MAN1A1: variants seen among roughly 807,000 people sequenced by gnomAD.
MAN1A1 encodes the protein mannosidase alpha class 1A member 1.
MAN1A1 carries 29 observed loss-of-function variants against 70.8 expected under a neutral mutation model. That is an observed-to-expected ratio of 0.41 (90% CI 0.31 to 0.56). The LOEUF (loss-of-function observed/expected upper bound fraction) is 0.56. MAN1A1 is among the 20% of genes least tolerant of loss of function. The pLI is 0.29. For missense variants in MAN1A1, 747 were observed against 841.3 expected, an observed-to-expected ratio of 0.89 and a Z score of 1.39; for synonymous variants, 349 against 330.1, an observed-to-expected ratio of 1.06 and a Z score of -0.62.
intron 2 of MAN1A1, among the ~76,000 whole-genome samples, chr6:119,330,730 C>T (rs1773286331): frequency 6.6e-6 from 1 of 152,154 alleles, no homozygotes; most frequent in Non-Finnish European, 1.5e-5. Flanking sequence ...CCTCTGGCTG[C>T]CCTGGGGACC....
In MAN1A1 at chr6:119,348,802, G is replaced by C; in HGVS notation, c.264C>G (p.Pro88=). The change falls in exon 2 of 13, where the codon CCC becomes CCG. Residue 88 remains proline, a synonymous_variant. Coordinates refer to ENST00000368468, the MANE Select transcript of MAN1A1 (RefSeq NM_005907.4). ...PALQPAADHK[P]GPGARAEDAA... is the part of the protein sequence containing the mutation. The stretch of plus-strand genomic sequence containing the variant: ...CGTCCTCGGCGCGCGCCCCGGGCCC[G>C]GGCTTGTGGTCGGCGGCCGGCTGCA... 7.0e-7 allele frequency: 1 copy of C among 1,437,986 alleles called. No individual in the cohort carries two copies. Among genetic ancestry groups the C allele is most frequent in the Admixed American group, 2.7e-5 (1 of 37,698 alleles). 89.1% of individuals were successfully genotyped at this position (1,437,986 alleles called of 1,614,324 possible).
At chr6:119,243,262 T>C (rs997541028) in intron 6 of MAN1A1, among the ~76,000 whole-genome samples, 2 of 152,048 alleles carry the variant, frequency 1.3e-5, no homozygotes, top group African/African-American at 4.8e-5. Context: ...AATTTGTTTA[T>C]TGATATTTTC....
intron 2 of MAN1A1, among the ~76,000 whole-genome samples, chr6:119,319,390 A>AATAATAATAATC (rs1554215455): frequency 7.0e-6 from 1 of 143,716 alleles, no homozygotes; most frequent in African/African-American, 2.6e-5. Flanking sequence ...TAATAATAAT[A>AATAATAATAATC]ATCATCATCA....
chr6:119,243,969 G>A (rs1268208585), intron 6 of MAN1A1, among the ~76,000 whole-genome samples: 3 of 152,054 alleles, frequency 2.0e-5, no homozygotes, highest in Middle Eastern at 3.4e-3. Flanking sequence ...ATACAGAGAA[G>A]TGATAAAATA....
intron 6 of MAN1A1, among the ~76,000 whole-genome samples, chr6:119,214,458 TATAAA>T (rs1185252064): frequency 6.6e-6 from 1 of 152,224 alleles, no homozygotes; most frequent in Non-Finnish European, 1.5e-5. Flanking sequence ...AACTGCAGTT[TATAAA>T]ATAAGTTTTT....
chr6:119,336,755 A>G (rs1053581899), intron 2 of MAN1A1, among the ~76,000 whole-genome samples: 2 of 152,226 alleles, frequency 1.3e-5, no homozygotes. Flanking sequence ...TTAGTGTGGT[A>G]CTGTAAGCAT....
chr6:119,255,824 T>C (rs1251139100), intron 5 of MAN1A1, among the ~76,000 whole-genome samples: 2 of 152,210 alleles, frequency 1.3e-5, no homozygotes, highest in East Asian at 1.9e-4. Flanking sequence ...TTTCTTCTCA[T>C]TCTGTTTCTG....
chr6:119,234,484 G>A (rs1774784875), intron 6 of MAN1A1, among the ~76,000 whole-genome samples: 1 of 152,022 alleles, frequency 6.6e-6, no homozygotes, highest in Admixed American at 6.5e-5. Flanking sequence ...TACAATCATG[G>A]CTCACTGCAG....
intron 6 of MAN1A1, among the ~76,000 whole-genome samples, chr6:119,221,728 T>A (rs938570049): frequency 6.6e-6 from 1 of 152,100 alleles, no homozygotes; most frequent in East Asian, 1.9e-4. Context: ...GTTGGGATTA[T>A]AGGTGTGAGC....
chr6:119,346,313 CT>C (rs367800954), intron 2 of MAN1A1, among the ~76,000 whole-genome samples: 19 of 149,698 alleles, frequency 1.3e-4, no homozygotes, highest in Non-Finnish European at 2.2e-4. Context: ...ATCATAATTT[CT>C]TTTTTTTTTC....
intron 2 of MAN1A1, among the ~76,000 whole-genome samples, chr6:119,329,274 A>G (rs1457298224): frequency 1.3e-5 from 2 of 152,222 alleles, no homozygotes; most frequent in Non-Finnish European, 2.9e-5. Flanking sequence ...GTACTGATTC[A>G]TAAGACAGCC....
At chr6:119,282,935 A>G (rs1776260328) in intron 5 of MAN1A1, among the ~76,000 whole-genome samples, 1 of 152,174 alleles carries the variant, frequency 6.6e-6, no homozygotes, top group Non-Finnish European at 1.5e-5. Flanking sequence ...ATTTCTTCTT[A>G]GGTTTATAAT....
At chr6:119,202,456 C>T (rs1773739647) in intron 7 of MAN1A1, among the ~76,000 whole-genome samples, 1 of 151,950 alleles carries the variant, frequency 6.6e-6, no homozygotes, top group Admixed American at 6.6e-5. Context: ...AAGGACCTTG[C>T]TTCTAGAGCT....
At chr6:119,277,311 C>T (rs1776092768) in intron 5 of MAN1A1, among the ~76,000 whole-genome samples, 3 of 152,116 alleles carry the variant, frequency 2.0e-5, no homozygotes, top group African/African-American at 7.2e-5. Context: ...TGTCAGTGAA[C>T]TATTTTCTAA....
At chr6:119,249,387 C>T (rs1235499536) in intron 5 of MAN1A1, among the ~76,000 whole-genome samples, 1 of 152,136 alleles carries the variant, frequency 6.6e-6, no homozygotes, top group Non-Finnish European at 1.5e-5. Flanking sequence ...GAGGCCCATC[C>T]TCAGTTTTAG....
chr6:119,188,815 A>C (rs896176252), intron 10 of MAN1A1, among the ~76,000 whole-genome samples: 2 of 152,158 alleles, frequency 1.3e-5, no homozygotes, highest in African/African-American at 2.4e-5. Context: ...GTTTACTTAT[A>C]CTACTTAATA....
chr6:119,278,251 T>G (rs9489654), intron 5 of MAN1A1, among the ~76,000 whole-genome samples: 70,892 of 151,500 alleles, frequency 0.47, 16,836 homozygotes, highest in East Asian at 0.65. Context: ...TTCCAGTATA[T>G]TTTAGAAGAA....
chr6:119,326,197 T>C (rs1562243324), intron 2 of MAN1A1, among the ~76,000 whole-genome samples: 1 of 152,226 alleles, frequency 6.6e-6, no homozygotes, highest in Non-Finnish European at 1.5e-5. Context: ...CTCCCACGTA[T>C]ACCTGTGTGG....
At chr6:119,245,185 T>C (rs1775138086) in intron 6 of MAN1A1, among the ~76,000 whole-genome samples, 1 of 152,156 alleles carries the variant, frequency 6.6e-6, no homozygotes, top group Non-Finnish European at 1.5e-5. Context: ...CAACAATGAA[T>C]GCACAGCTAG....
Sources: allele counts gnomAD v4.1 joint callset (sites outside exome capture counted in the v4.1 genomes callset), GRCh38; gene constraint gnomAD v4.1.1; transcripts MANE v1.5; gene names NCBI Gene and HGNC (gene_info 2026-07-23, HGNC 2026-07-21).